KCNK5: variants seen among roughly 807,000 people sequenced by gnomAD.
KCNK5 encodes potassium two pore domain channel subfamily K member 5.
In KCNK5, 18 loss-of-function variants were observed where a neutral mutation model predicts 32.9. The observed-to-expected ratio is 0.55, with a 90% confidence interval of 0.38 to 0.81. The LOEUF (loss-of-function observed/expected upper bound fraction) is 0.81. Among genes scored for constraint, KCNK5 ranks in the 30% least tolerant of loss-of-function variants. The probability of loss-of-function intolerance (pLI) is 0.00; values close to 1 mark genes in which losing one functional copy is unlikely to be tolerated. For missense variants in KCNK5, 507 were observed against 651.0 expected, an observed-to-expected ratio of 0.78 and a Z score of 2.41; for synonymous variants, 276 against 275.3, an observed-to-expected ratio of 1.00 and a Z score of -0.03.
In KCNK5 at chr6:39,196,092, A is replaced by G. The variant is rs538110976; in HGVS notation, c.187-105T>C. The G allele has an allele frequency of 6.7e-5, 47 of 696,872 alleles. No homozygotes were observed. In the East Asian group the frequency reaches 1.3e-3, roughly 20 times the overall value. 43.2% of individuals were successfully genotyped at this position (696,872 alleles called of 1,614,324 possible). On this transcript the variant is annotated intron_variant, in intron 1 of 4. Transcript: ENST00000359534. ...GTAAGCATTTTCATTTAGTCATCACAAGAAGAAGGTGGCAGTGTCTCCATG... is the reference window on the plus strand; with the variant it reads ...GTAAGCATTTTCATTTAGTCATCACGAGAAGAAGGTGGCAGTGTCTCCATG...
chr6:39,216,009 G>A lies in KCNK5; in HGVS notation c.186+12917C>T, dbSNP rs181478139. Among the ~76,000 whole-genome samples, 9 of 152,362 alleles carry A rather than the reference G, an allele frequency of 5.9e-5. No homozygotes were observed. The East Asian group carries it at 1.7e-3, about 29-fold the overall frequency. ...AACAAAACTATATATGGGGCCGGGC[G>A]TGGTGGCTCACGCCTGTAATCCCAG... On this transcript the variant is annotated intron_variant, in intron 1 of 4. Transcript: ENST00000359534.
chr6:39,201,361 C>T (rs930560879), intron 1 of KCNK5, among the ~76,000 whole-genome samples: 50 of 151,882 alleles, frequency 3.3e-4, no homozygotes, highest in African/African-American at 1.1e-3. Context: ...AAGCAATTCT[C>T]CTGCCTTAGC....
rs144608181 is a variant in KCNK5, at chr6:39,223,464, G to A, written c.186+5462C>T. 7.1e-4 allele frequency among the ~76,000 whole-genome samples: 108 copies of A among 152,304 alleles called. 1 individual carries two copies. The East Asian group carries it at 0.016, about 22-fold the overall frequency. ...ACTCAATGAAATCTCAAAGAGATTC[G>A]CTTCCATCTTCTCCACTCCCTACAA... On this transcript the variant is annotated intron_variant, in intron 1 of 4. Coordinates refer to ENST00000359534, the MANE Select transcript of KCNK5 (RefSeq NM_003740.4).
chr6:39,216,373 A>G (rs1303482702), intron 1 of KCNK5, among the ~76,000 whole-genome samples: 1 of 152,218 alleles, frequency 6.6e-6, no homozygotes, highest in Non-Finnish European at 1.5e-5. Context: ...AGAACCTGGA[A>G]GACTGAACAG....
intron 1 of KCNK5, among the ~76,000 whole-genome samples, chr6:39,224,995 C>T (rs1379237680): frequency 6.6e-6 from 1 of 151,910 alleles, no homozygotes; most frequent in African/African-American, 2.4e-5. Context: ...GCTTTGACCT[C>T]CCAGGTTCCC....
chr6:39,227,086 C>A (rs113619190), intron 1 of KCNK5, among the ~76,000 whole-genome samples: 4 of 152,244 alleles, frequency 2.6e-5, no homozygotes, highest in African/African-American at 9.6e-5. Context: ...CCAGCTGCAC[C>A]CGGCTGCCTA....
chr6:39,219,669 G>A (rs1272566015), intron 1 of KCNK5, among the ~76,000 whole-genome samples: 5 of 152,196 alleles, frequency 3.3e-5, no homozygotes, highest in Admixed American at 2.6e-4. Flanking sequence ...CCTTGCAAGA[G>A]GCTTGGCTGC....
At chr6:39,223,838 C>T (rs150449636) in intron 1 of KCNK5, among the ~76,000 whole-genome samples, 12 of 152,238 alleles carry the variant, frequency 7.9e-5, no homozygotes, top group South Asian at 4.1e-4. Context: ...TTCTTCTAAA[C>T]GCCAGACTAT....
rs2113802625 is a variant in KCNK5, at chr6:39,228,986, C to T, written c.126G>A (p.Lys42=). The part of the protein sequence containing the change: ...KEAKKNYYTQ[K]LHLLKEFPCL... ...ACGGGAACTCCTTGAGCAGATGCAG[C>T]TTCTGTGTGTAGTAGTTTTTCTTGG... The change falls in exon 1 of 5, where the codon AAG becomes AAA. Residue 42 remains lysine, a synonymous_variant. Coordinates refer to ENST00000359534, the MANE Select transcript of KCNK5 (RefSeq NM_003740.4). 1.2e-6 allele frequency: 2 copies of T among 1,614,196 alleles called. No individual in the cohort carries two copies. The highest frequency in any genetic ancestry group is 1.7e-6 in the Non-Finnish European group (2 of 1,180,030).
intron 4 of KCNK5, among the ~76,000 whole-genome samples, chr6:39,193,543 A>G (rs1360302626): frequency 6.6e-6 from 1 of 152,262 alleles, no homozygotes; most frequent in Non-Finnish European, 1.5e-5. Context: ...AAACACAAGT[A>G]CATGTGTGGC....
intron 1 of KCNK5, among the ~76,000 whole-genome samples, chr6:39,214,546 G>T (rs1279199925): frequency 6.6e-6 from 1 of 152,178 alleles, no homozygotes; most frequent in Non-Finnish European, 1.5e-5. Flanking sequence ...TGGGAGACAG[G>T]ACAAAGGAGA....
At chr6:39,211,527 G>A (rs1771338178) in intron 1 of KCNK5, among the ~76,000 whole-genome samples, 1 of 152,198 alleles carries the variant, frequency 6.6e-6, no homozygotes, top group Non-Finnish European at 1.5e-5. Flanking sequence ...TCGGGTTCTG[G>A]CCCAATACTC....
At position 39,194,545 on chromosome 6, in the gene KCNK5, C is replaced by T; in HGVS notation, c.465+49G>A. 1.3e-6 allele frequency: 2 copies of T among 1,598,986 alleles called. No individual in the cohort carries two copies. Among genetic ancestry groups the T allele is most frequent in the Admixed American group, 3.4e-5 (2 of 59,380 alleles). Reference sequence around the variant, plus strand: ...TAGAGGCCTCCTGTCCTCCCCTCACCTGTCATGGTTCCCCCATCTCTGCCC... The same window carrying T: ...TAGAGGCCTCCTGTCCTCCCCTCACTTGTCATGGTTCCCCCATCTCTGCCC... On this transcript the variant is annotated intron_variant, in intron 3 of 4. Transcript: ENST00000359534. The surrounding 1 kb of genome is among the most constrained non-coding windows in gnomAD (Gnocchi z 4.7).
At chr6:39,193,632 T>G (rs1770979663) in intron 4 of KCNK5, among the ~76,000 whole-genome samples, 1 of 150,904 alleles carries the variant, frequency 6.6e-6, no homozygotes, top group African/African-American at 2.4e-5. Flanking sequence ...AGGGGAGGAG[T>G]AGGAGGGAGT....
chr6:39,219,379 AG>A (rs1364206697), intron 1 of KCNK5, among the ~76,000 whole-genome samples: 1 of 151,990 alleles, frequency 6.6e-6, no homozygotes, highest in Non-Finnish European at 1.5e-5. Context: ...TCCTCTTGCG[AG>A]GGGGGTATAA....
At chr6:39,217,442 C>T (rs1771463027) in intron 1 of KCNK5, among the ~76,000 whole-genome samples, 1 of 152,202 alleles carries the variant, frequency 6.6e-6, no homozygotes, top group Non-Finnish European at 1.5e-5. Context: ...GGGAGCCCTA[C>T]TAGGACACGT....
intron 1 of KCNK5, among the ~76,000 whole-genome samples, chr6:39,226,735 T>G (rs923022167): frequency 6.6e-6 from 1 of 152,212 alleles, no homozygotes; most frequent in Non-Finnish European, 1.5e-5. Context: ...GCAAGGCAGA[T>G]TTCTGCAGAT....
chr6:39,229,047 A>G lies in KCNK5; in HGVS notation c.65T>C (p.Ile22Thr), dbSNP rs766753826. 6.2e-7 allele frequency: 1 copy of G among 1,614,138 alleles called. No homozygotes were observed. Among genetic ancestry groups the G allele is most frequent in the Non-Finnish European group, 8.5e-7 (1 of 1,180,014 alleles). The change falls in exon 1 of 5, where the codon ATC (isoleucine) becomes ACC (threonine). Residue 22 changes from isoleucine to threonine, a missense_variant. By Grantham distance (89) the Ile-to-Thr change is moderately conservative (BLOSUM62 -1). Coordinates refer to ENST00000359534, the MANE Select transcript of KCNK5 (RefSeq NM_003740.4). ...IIFYLAIGAA[I>T]FEVLEEPHWK... ...GTGTGGCTCCTCCAGCACTTCGAAGATCGCCGCCCCGATGGCCAGGTAGAA... is the reference window on the plus strand; with the variant it reads ...GTGTGGCTCCTCCAGCACTTCGAAGGTCGCCGCCCCGATGGCCAGGTAGAA...
chr6:39,204,585 T>C (rs1462551653), intron 1 of KCNK5, among the ~76,000 whole-genome samples: 1 of 152,238 alleles, frequency 6.6e-6, no homozygotes, highest in Non-Finnish European at 1.5e-5. Context: ...GTCCTGCCCC[T>C]AGAGATGCCA....
Sources: allele counts gnomAD v4.1 joint callset (sites outside exome capture counted in the v4.1 genomes callset), GRCh38; gene constraint gnomAD v4.1.1; non-coding constraint Gnocchi (gnomAD v3.1); transcripts MANE v1.5; gene names NCBI Gene and HGNC (gene_info 2026-07-23, HGNC 2026-07-21).